The following SORCS3 variants were observed in gnomAD, a reference collection of about 807,000 sequenced individuals.
SORCS3 encodes VPS10 domain-containing receptor SorCS3.
SORCS3 carries 57 observed loss-of-function variants against 146.3 expected under a neutral mutation model. The ratio of observed to expected loss-of-function variants is 0.39; its 90% confidence interval spans 0.31 to 0.49. SORCS3 has a LOEUF of 0.49. Ranked by LOEUF, SORCS3 falls within the 20% of genes least tolerant of loss-of-function variation. The probability of loss-of-function intolerance (pLI) is 0.92; values close to 1 mark genes in which losing one functional copy is unlikely to be tolerated. For missense variants in SORCS3, 1,341 were observed against 1,575.5 expected (o/e 0.85, Z 2.52); for synonymous variants, 653 against 618.5 (o/e 1.06, Z -0.83).
chr10:104,876,284 T>G (rs1476300689), intron 2 of SORCS3, among the ~76,000 whole-genome samples: 1 of 152,212 alleles, frequency 6.6e-6, no homozygotes, highest in Non-Finnish European at 1.5e-5. Context: ...TTACTTGCCT[T>G]GATTTTTCTG....
At position 105,037,143 on chromosome 10, in the gene SORCS3, A is replaced by G. The variant is rs116603911; in HGVS notation, c.955-5912A>G. On this transcript the variant is annotated intron_variant, in intron 4 of 26. Transcript: ENST00000369701. ...TAGAAAGTATCCTGGGGGTGGAGGC[A>G]TGATGAAAATGCACAGTACAAAGAA... 2.7e-3 allele frequency among the ~76,000 whole-genome samples: 415 copies of G among 152,302 alleles called. 1 individual carries two copies. Among genetic ancestry groups the G allele is most frequent in the African/African-American group, 9.5e-3 (396 of 41,558 alleles).
At chr10:104,917,552 A>G (rs943189113) in intron 3 of SORCS3, among the ~76,000 whole-genome samples, 19 of 152,232 alleles carry the variant, frequency 1.2e-4, no homozygotes, top group African/African-American at 4.6e-4. Context: ...CATTAACTAT[A>G]GTCATCATGC....
Position 105,159,053 on chromosome 10 carries a change from AC to A in SORCS3, c.1732+61del, listed in dbSNP as rs1262653610. ...TGAGAGTGTCTAGAATAAATTTGTCACCTCTTTTTGGATCATGGACTCACTT... is the reference window on the plus strand; with the variant it reads ...TGAGAGTGTCTAGAATAAATTTGTCACTCTTTTTGGATCATGGACTCACTT... On this transcript the variant is annotated intron_variant, in intron 11 of 26. Coordinates refer to ENST00000369701, the MANE Select transcript of SORCS3 (RefSeq NM_014978.3). 3.8e-6 allele frequency: 5 copies of A among 1,309,790 alleles called. No homozygotes were observed. In the African/African-American group the frequency reaches 7.4e-5, roughly 19 times the overall value. The allele number at this position is 1,309,790 out of a possible 1,614,324, so 81.1% of individuals were successfully genotyped here. A position where few individuals can be genotyped will look rare whatever the true frequency, so the allele number is the denominator to read the frequency against.
intron 14 of SORCS3, among the ~76,000 whole-genome samples, chr10:105,180,240 C>T (rs1232221391): frequency 1.3e-5 from 2 of 152,220 alleles, no homozygotes; most frequent in Non-Finnish European, 2.9e-5. Context: ...GAAGAATTCA[C>T]ACACACAGTA....
chr10:104,642,259 C>T (rs1202128859), intron 1 of SORCS3, among the ~76,000 whole-genome samples: 1 of 152,126 alleles, frequency 6.6e-6, no homozygotes, highest in Non-Finnish European at 1.5e-5. Flanking sequence ...CAATACTTGG[C>T]TTGGAGGGTC....
chr10:105,252,695 C>T, intron 22 of SORCS3, 80 bp from the exon 23 acceptor site: 2 of 1,562,540 alleles, frequency 1.3e-6, no homozygotes, highest in East Asian at 2.3e-5. Context: ...AGCCATCTGG[C>T]TGTGCACACT....
chr10:105,093,398 T>C (rs2055723823), intron 6 of SORCS3, among the ~76,000 whole-genome samples: 1 of 152,108 alleles, frequency 6.6e-6, no homozygotes, highest in Middle Eastern at 3.2e-3. Context: ...GCAAAATTGA[T>C]AAAATAAATA....
intron 3 of SORCS3, among the ~76,000 whole-genome samples, chr10:104,967,517 C>G (rs569445428): frequency 1.8e-4 from 28 of 152,224 alleles, no homozygotes; most frequent in African/African-American, 6.3e-4. Context: ...TGAACAGCAA[C>G]TCCTCAGTCC....
intron 1 of SORCS3, among the ~76,000 whole-genome samples, chr10:104,778,196 T>G (rs1270654761): frequency 6.6e-6 from 1 of 152,220 alleles, no homozygotes; most frequent in Non-Finnish European, 1.5e-5. Flanking sequence ...ATTGTATACA[T>G]GTATCAAGAT....
At chr10:105,018,049 C>T (rs1245174600) in intron 4 of SORCS3, among the ~76,000 whole-genome samples, 8 of 152,130 alleles carry the variant, frequency 5.3e-5, no homozygotes, top group Admixed American at 5.2e-4. Context: ...ACTGAATTAG[C>T]CAAAGGTGAA....
intron 10 of SORCS3, among the ~76,000 whole-genome samples, chr10:105,158,577 A>G (rs1394287201): frequency 1.3e-5 from 2 of 152,092 alleles, no homozygotes; most frequent in Non-Finnish European, 2.9e-5. Flanking sequence ...GGTAGAAGGA[A>G]TGGTCAAGGA....
At chr10:104,722,099 A>C (rs913557278) in intron 1 of SORCS3, among the ~76,000 whole-genome samples, 1 of 152,174 alleles carries the variant, frequency 6.6e-6, no homozygotes, top group African/African-American at 2.4e-5. Flanking sequence ...ATTCAGTATG[A>C]TATTGGCTGT....
chr10:105,062,241 A>T (rs1251313573), intron 5 of SORCS3, among the ~76,000 whole-genome samples: 1 of 152,220 alleles, frequency 6.6e-6, no homozygotes, highest in Non-Finnish European at 1.5e-5. Flanking sequence ...TTTAAGAAGC[A>T]TGCAGGTGGA....
intron 3 of SORCS3, among the ~76,000 whole-genome samples, chr10:104,960,452 A>C (rs1048778360): frequency 6.6e-6 from 1 of 152,068 alleles, no homozygotes; most frequent in Non-Finnish European, 1.5e-5. Flanking sequence ...ACATCTGGTG[A>C]GTGTCTTCTT....
intron 1 of SORCS3, among the ~76,000 whole-genome samples, chr10:104,689,192 G>T (rs1306832600): frequency 6.6e-6 from 1 of 152,154 alleles, no homozygotes; most frequent in Non-Finnish European, 1.5e-5. Flanking sequence ...TTCCAAGAAA[G>T]CTCTGTGCCC....
intron 4 of SORCS3, among the ~76,000 whole-genome samples, chr10:105,028,546 G>A (rs557343007): frequency 7.9e-5 from 12 of 152,266 alleles, no homozygotes; most frequent in African/African-American, 2.9e-4. Flanking sequence ...ATCTTGGTGG[G>A]TGTGGTGTTT....
At chr10:104,721,881 A>C (rs2133445566) in intron 1 of SORCS3, among the ~76,000 whole-genome samples, 1 of 152,326 alleles carries the variant, frequency 6.6e-6, no homozygotes, top group South Asian at 2.1e-4. Flanking sequence ...TTTTGGGCTG[A>C]GATGATGGGG....
chr10:104,837,946 C>G (rs1223008352), intron 1 of SORCS3, among the ~76,000 whole-genome samples: 1 of 152,174 alleles, frequency 6.6e-6, no homozygotes, highest in African/African-American at 2.4e-5. Flanking sequence ...AATGCTGGTT[C>G]TGTCTCTTGC....
At chr10:104,721,094 G>C (rs915213068) in intron 1 of SORCS3, among the ~76,000 whole-genome samples, 1 of 152,146 alleles carries the variant, frequency 6.6e-6, no homozygotes, top group Non-Finnish European at 1.5e-5. Context: ...TTCTTCTAGG[G>C]TTTTGATGGT....
Sources: gnomAD v4.1 joint callset for allele counts (sites outside exome capture counted in the v4.1 genomes callset) on GRCh38, gnomAD v4.1.1 for gene constraint, MANE v1.5 for transcripts, NCBI Gene and HGNC (gene_info 2026-07-23, HGNC 2026-07-21) for gene names.